EIF3B: variants seen among roughly 807,000 people sequenced by gnomAD.
EIF3B encodes eukaryotic translation initiation factor 3 subunit B.
In EIF3B, 10 loss-of-function variants were observed where a neutral mutation model predicts 104.6. That is an observed-to-expected ratio of 0.10 (90% CI 0.06 to 0.16). The LOEUF (loss-of-function observed/expected upper bound fraction) is 0.16. EIF3B is among the 10% of genes least tolerant of loss of function. EIF3B has a pLI of 1.00. For synonymous variants in EIF3B, 542 were observed against 417.2 expected (o/e 1.30, Z -3.65); for missense variants, 1,014 against 1,087.9 (o/e 0.93, Z 0.96).
chr7:2,356,386 GT>G (rs1779440056), intron 1 of EIF3B, among the ~76,000 whole-genome samples: 1 of 151,994 alleles, frequency 6.6e-6, no homozygotes, highest in South Asian at 2.1e-4. Flanking sequence ...GCCGAGACGG[GT>G]GGATCACGAG....
intron 1 of EIF3B, among the ~76,000 whole-genome samples, chr7:2,359,818 C>G (rs1779637070): frequency 2.6e-5 from 4 of 152,168 alleles, no homozygotes; most frequent in Non-Finnish European, 4.4e-5. Context: ...AGAGGACACC[C>G]AGCTGGTGGC....
chr7:2,354,741 G>C, upstream of EIF3B: 1 of 368,104 alleles, frequency 2.7e-6, no homozygotes, highest in Non-Finnish European at 4.0e-6. Flanking sequence ...GTGGATGCGA[G>C]TCCTCTCAGG....
Position 2,356,089 on chromosome 7 carries a change from G to T in EIF3B, c.499+669G>T, listed in dbSNP as rs76214045. On this transcript the variant is annotated intron_variant, in intron 1 of 18. Coordinates refer to ENST00000360876, the MANE Select transcript of EIF3B (RefSeq NM_001037283.2). ...GCATATTTTTGCTTCCTGTCTCAGA[G>T]ATTTTTTCCTGAAGCTACTTCTGAT... 1.2e-3 allele frequency among the ~76,000 whole-genome samples: 178 copies of T among 152,236 alleles called. 4 individuals carry two copies. In the South Asian group the frequency reaches 0.019, roughly 17 times the overall value.
intron 1 of EIF3B, 101 bp from the exon 2 acceptor site, chr7:2,360,609 C>G (rs561895272): frequency 1.0e-6 from 1 of 964,286 alleles, no homozygotes; most frequent in Non-Finnish European, 1.5e-6. Flanking sequence ...AGCATTTAGA[C>G]AATTCATTGT....
At chr7:2,370,962 C>G (rs1780302035) in intron 10 of EIF3B, among the ~76,000 whole-genome samples, 2 of 152,052 alleles carry the variant, frequency 1.3e-5, no homozygotes, top group African/African-American at 4.8e-5. Context: ...ACTCGGGAGG[C>G]TGAGGCAGGA....
chr7:2,361,243 C>T (rs1310973612), intron 2 of EIF3B, among the ~76,000 whole-genome samples: 1 of 152,028 alleles, frequency 6.6e-6, no homozygotes, highest in Non-Finnish European at 1.5e-5. Flanking sequence ...GGTGACAGAG[C>T]AAGACTCTGT....
At position 2,355,122 on chromosome 7, in the gene EIF3B, G is replaced by C; in HGVS notation, c.201G>C (p.Arg67Ser). ...IAEAGPESEV[R>S]TEPAAEAEAA... ...AGGCCGGGCCGGAGTCCGAGGTGAGGACCGAGCCGGCGGCCGAGGCAGAGG... is the reference window on the plus strand; with the variant it reads ...AGGCCGGGCCGGAGTCCGAGGTGAGCACCGAGCCGGCGGCCGAGGCAGAGG... Residue 67 changes from arginine to serine, a missense_variant, in exon 1 of 19, where the codon AGG (arginine) becomes AGC (serine). Arg to Ser is a moderately radical substitution (Grantham distance 110). This residue lies in a region of EIF3B where 488 missense variants were observed against 404.3 expected (regional missense o/e 1.21). Transcript: ENST00000360876. 4 of 1,401,770 alleles carry C rather than the reference G, an allele frequency of 2.9e-6. No individual in the cohort carries two copies. Among genetic ancestry groups the C allele is most frequent in the Non-Finnish European group, 3.7e-6 (4 of 1,087,260 alleles). 86.8% of individuals were successfully genotyped at this position (1,401,770 alleles called of 1,614,324 possible).
chr7:2,374,432 A>C, intron 12 of EIF3B, 96 bp from the exon 13 acceptor site: 1 of 1,199,184 alleles, frequency 8.3e-7, no homozygotes, highest in South Asian at 1.3e-5. Flanking sequence ...CTCTGCCCTC[A>C]TGGGCAGCAT....
chr7:2,356,845 A>G (rs554026077), intron 1 of EIF3B, among the ~76,000 whole-genome samples: 3 of 151,946 alleles, frequency 2.0e-5, no homozygotes, highest in African/African-American at 7.3e-5. Context: ...GACCATTACT[A>G]TATTACACTT....
intron 1 of EIF3B, among the ~76,000 whole-genome samples, chr7:2,355,659 C>G (rs1449294444): frequency 6.6e-6 from 1 of 152,132 alleles, no homozygotes; most frequent in Non-Finnish European, 1.5e-5. Context: ...ACTTCGGGAG[C>G]CAGGCATTTG....
intron 1 of EIF3B, 128 bp from the exon 2 acceptor site, chr7:2,360,582 C>G: frequency 1.4e-6 from 1 of 732,902 alleles, no homozygotes; most frequent in Non-Finnish European, 2.1e-6. Flanking sequence ...GTTAGGATTT[C>G]TTTTGCTCAC....
At chr7:2,370,122 ATTTATTTT>A (rs1217171024) in intron 10 of EIF3B, among the ~76,000 whole-genome samples, 4 of 152,264 alleles carry the variant, frequency 2.6e-5, no homozygotes, top group South Asian at 2.1e-4. Context: ...TATACTCAAG[ATTTATTTT>A]TTTATTTTTT....
intron 15 of EIF3B, among the ~76,000 whole-genome samples, chr7:2,377,547 CACGAGCGCTCCTGGGATGCT>C (rs1562492588): frequency 5.4e-4 from 66 of 123,316 alleles, no homozygotes; most frequent in Non-Finnish European, 8.0e-4. Context: ...AAGGAGCAGG[CACGAGCGCTCCTGGGATGCT>C]GTGTTCTGTG....
intron 12 of EIF3B, 74 bp downstream of exon 12, chr7:2,372,869 G>A: frequency 3.9e-6 from 6 of 1,542,032 alleles, no homozygotes; most frequent in Non-Finnish European, 5.3e-6. Context: ...CCAACAGTGA[G>A]CATTTGACTG....
intron 1 of EIF3B, among the ~76,000 whole-genome samples, chr7:2,359,809 G>A (rs761527397): frequency 1.3e-5 from 2 of 152,170 alleles, no homozygotes; most frequent in Non-Finnish European, 2.9e-5. Context: ...GATTAAGTTA[G>A]AGGACACCCA....
At chr7:2,365,191 TCTC>T (rs753714413) in intron 6 of EIF3B, among the ~76,000 whole-genome samples, 3 of 152,234 alleles carry the variant, frequency 2.0e-5, no homozygotes, top group Non-Finnish European at 4.4e-5. Context: ...GCTCAAGTGA[TCTC>T]CTGCCTTGAC....
chr7:2,365,492 G>A (rs7791679), intron 6 of EIF3B, among the ~76,000 whole-genome samples: 116,158 of 151,970 alleles, frequency 0.76, 44,661 homozygotes, highest in East Asian at 0.89. Context: ...CTCTGGTGTT[G>A]TAAGGGACCG....
At chr7:2,378,970 T>TGG in intron 16 of EIF3B, 164 bp from the exon 17 acceptor site, 2 of 747,366 alleles carry the variant, frequency 2.7e-6, no homozygotes, top group South Asian at 3.6e-5. Context: ...GCCTTGTGGG[T>TGG]GGGGGGCAGC....
At chr7:2,377,562 G>GA (rs1296898121) in intron 15 of EIF3B, among the ~76,000 whole-genome samples, 32 of 113,462 alleles carry the variant, frequency 2.8e-4, no homozygotes, top group African/African-American at 8.3e-4. Context: ...GCGCTCCTGG[G>GA]ATGCTGTGTT....
Sources: gnomAD v4.1 joint callset for allele counts (sites outside exome capture counted in the v4.1 genomes callset) on GRCh38, gnomAD v4.1.1 for gene constraint, gnomAD v4.1.1 regional missense constraint, MANE v1.5 for transcripts, NCBI Gene and HGNC (gene_info 2026-07-23, HGNC 2026-07-21) for gene names.